Variants in ADCY8 observed in about 807,000 individuals in gnomAD.
The protein encoded by ADCY8 is adenylate cyclase 8.
ADCY8 carries 51 observed loss-of-function variants against 119.7 expected under a neutral mutation model. The ratio of observed to expected loss-of-function variants is 0.43; its 90% CI spans 0.34 to 0.54. The LOEUF (loss-of-function observed/expected upper bound fraction) is 0.54. ADCY8 is among the 20% of genes least tolerant of loss of function. The probability of loss-of-function intolerance (pLI) is 0.03; values close to 1 mark genes in which losing one functional copy is unlikely to be tolerated. For missense variants in ADCY8, 1,383 were observed against 1,598.8 expected, an observed-to-expected ratio of 0.87 and a Z score of 2.30; for synonymous variants, 665 against 651.0, an observed-to-expected ratio of 1.02 and a Z score of -0.33.
intron 2 of ADCY8, among the ~76,000 whole-genome samples, chr8:130,978,703 T>C (rs1822147642): frequency 6.6e-6 from 1 of 152,180 alleles, no homozygotes; most frequent in Non-Finnish European, 1.5e-5. Flanking sequence ...CTCTAGTTTG[T>C]TACAAAAAAA....
chr8:130,972,882 A>G (rs928602971), intron 2 of ADCY8, among the ~76,000 whole-genome samples: 1 of 144,064 alleles, frequency 6.9e-6, no homozygotes, highest in Non-Finnish European at 1.5e-5. Context: ...GGAGATAAGC[A>G]TCAGTTTTTT....
intron 1 of ADCY8, among the ~76,000 whole-genome samples, chr8:130,996,961 A>C (rs1419972932): frequency 6.6e-6 from 1 of 152,208 alleles, no homozygotes; most frequent in East Asian, 1.9e-4. Flanking sequence ...ATCATCAGAC[A>C]GAACATTAGA....
chr8:130,990,569 G>A (rs756302056), intron 1 of ADCY8, 27 bp from the exon 2 acceptor site: 4 of 1,596,540 alleles, frequency 2.5e-6, no homozygotes, highest in Non-Finnish European at 2.6e-6. Context: ...CTGGTCAGGC[G>A]CTTAAAACAA....
intron 2 of ADCY8, among the ~76,000 whole-genome samples, chr8:130,984,653 G>T (rs1307802463): frequency 2.1e-4 from 32 of 152,130 alleles, no homozygotes; most frequent in Non-Finnish European, 4.7e-4. Context: ...ACTTAAACCA[G>T]GCAGTGCTAG....
chr8:130,983,765 T>C (rs1474163101), intron 2 of ADCY8, among the ~76,000 whole-genome samples: 1 of 152,190 alleles, frequency 6.6e-6, no homozygotes, highest in African/African-American at 2.4e-5. Context: ...TGTAATACTC[T>C]GTGCTGGGGT....
chr8:130,805,719 G>A (rs1586430828), intron 14 of ADCY8, among the ~76,000 whole-genome samples: 2 of 152,314 alleles, frequency 1.3e-5, no homozygotes, highest in African/African-American at 4.8e-5. Context: ...GGAACCTTTA[G>A]CTCCTTCCTG....
At position 131,039,683 on chromosome 8, in the gene ADCY8, G is replaced by A. The variant is rs988157338; in HGVS notation, c.651C>T (p.Gly217=). Residue 217 remains glycine (G), a synonymous_variant, in exon 1 of 18, where the codon GGC becomes GGT. Transcript: ENST00000286355. ...PMDPLKGILL[G]FFTGIEVVIC... is the part of the protein sequence containing the mutation. ...TCACTACCTCAATGCCGGTGAAGAA[G>A]CCCAGCAGGATGCCCTTGAGCGGGT... is the stretch of plus-strand genomic sequence containing the variant. 1 of 1,614,162 alleles carries A rather than the reference G, an allele frequency of 6.2e-7. No homozygotes were observed. Among genetic ancestry groups the A allele is most frequent in the Non-Finnish European group, 8.5e-7 (1 of 1,180,034 alleles).
chr8:130,869,211 C>A (rs1818237189), intron 8 of ADCY8, among the ~76,000 whole-genome samples: 1 of 152,172 alleles, frequency 6.6e-6, no homozygotes. Flanking sequence ...CACTTGCTGG[C>A]AACCTGCTTG....
chr8:130,794,728 G>A (rs1360773619), intron 15 of ADCY8, among the ~76,000 whole-genome samples: 1 of 152,198 alleles, frequency 6.6e-6, no homozygotes, highest in Non-Finnish European at 1.5e-5. Context: ...TTTTAGGGAG[G>A]AGATGCTATT....
intron 7 of ADCY8, among the ~76,000 whole-genome samples, chr8:130,893,829 TGGGTGTGCATGTTTGTGTGTTTTG>T (rs1338848982): frequency 1.5e-4 from 22 of 151,498 alleles, no homozygotes; most frequent in Non-Finnish European, 3.1e-4. Flanking sequence ...TGTGTGTTTG[TGGGTGTGCATGTTTGTGTGTTTTG>T]GGGTGTGCAT....
intron 7 of ADCY8, among the ~76,000 whole-genome samples, chr8:130,897,665 G>C (rs1408679138): frequency 6.5e-3 from 1 of 154 alleles, no homozygotes; most frequent in East Asian, 0.12. Flanking sequence ...ACATATATGA[G>C]AGGGTGAATA....
At position 131,040,453 on chromosome 8, in the gene ADCY8, C is replaced by A. The variant is rs1824355566; in HGVS notation, c.-120G>T. ...CAAGGATCCTTTTTATCCTAGGCTGCCCCGTTGCAGGAGCCCTGCGCTAGG... is the reference window on the plus strand; with the variant it reads ...CAAGGATCCTTTTTATCCTAGGCTGACCCGTTGCAGGAGCCCTGCGCTAGG... On this transcript the variant is annotated 5_prime_UTR_variant, in exon 1 of 18. Transcript: ENST00000286355. 5 of 1,272,408 alleles carry A rather than the reference C, an allele frequency of 3.9e-6. No homozygotes were observed. Among genetic ancestry groups the A allele is most frequent in the Admixed American group, 3.4e-5 (1 of 29,190 alleles). The allele number at this position is 1,272,408 out of a possible 1,614,324, so 78.8% of individuals were successfully genotyped here.
intron 6 of ADCY8, among the ~76,000 whole-genome samples, chr8:130,908,876 C>T (rs918720478): frequency 6.6e-6 from 1 of 152,072 alleles, no homozygotes; most frequent in African/African-American, 2.4e-5. Flanking sequence ...CCCATGATAA[C>T]ATATTACTTG....
chr8:130,953,869 T>C (rs1036891381), intron 2 of ADCY8, among the ~76,000 whole-genome samples: 2 of 152,204 alleles, frequency 1.3e-5, no homozygotes, highest in Non-Finnish European at 2.9e-5. Context: ...TTGAGTGCTA[T>C]CCCATCACGG....
intron 3 of ADCY8, among the ~76,000 whole-genome samples, chr8:130,946,226 G>A (rs1821101601): frequency 6.6e-6 from 1 of 152,176 alleles, no homozygotes; most frequent in Admixed American, 6.5e-5. Flanking sequence ...ATAAAGTAGT[G>A]AGCAGATGAT....
At chr8:130,781,030 T>A (rs1390903540) in intron 17 of ADCY8, among the ~76,000 whole-genome samples, 153 bp from the exon 18 acceptor site, 1 of 152,066 alleles carries the variant, frequency 6.6e-6, no homozygotes, top group Non-Finnish European at 1.5e-5. Flanking sequence ...ATTAGATGTA[T>A]CACCTGGGTC....
chr8:130,887,275 C>T (rs983022969), intron 7 of ADCY8, among the ~76,000 whole-genome samples: 20 of 152,102 alleles, frequency 1.3e-4, no homozygotes, highest in African/African-American at 4.1e-4. Context: ...CTCCTCCTTT[C>T]GAAACTCCCC....
chr8:130,818,598 C>A (rs771963107), intron 13 of ADCY8, among the ~76,000 whole-genome samples: 1 of 152,244 alleles, frequency 6.6e-6, no homozygotes, highest in Non-Finnish European at 1.5e-5. Flanking sequence ...CCACCAGACG[C>A]TTCTGCGTAC....
chr8:130,853,073 G>A (rs1817589789), intron 9 of ADCY8, among the ~76,000 whole-genome samples: 1 of 152,184 alleles, frequency 6.6e-6, no homozygotes, highest in Admixed American at 6.5e-5. Context: ...AAGGAGGAAG[G>A]GCTAATCCAG....
Sources: gnomAD v4.1 joint callset for allele counts (sites outside exome capture counted in the v4.1 genomes callset) on GRCh38, gnomAD v4.1.1 for gene constraint, MANE v1.5 for transcripts, NCBI Gene and HGNC (gene_info 2026-07-23, HGNC 2026-07-21) for gene names.